The following CSMD1 variants were observed in gnomAD, a reference collection of about 807,000 sequenced individuals.
CSMD1 encodes the protein CUB and sushi domain-containing protein 1.
Under a neutral mutation model 417.5 loss-of-function variants are expected in CSMD1, and 213 were observed. The observed-to-expected ratio is 0.51, with a 90% CI of 0.46 to 0.57. The LOEUF (loss-of-function observed/expected upper bound fraction) is 0.57, where lower values mean the gene tolerates loss of function less well. Ranked by LOEUF, CSMD1 falls within the 20% of genes least tolerant of loss-of-function variation. The pLI is 0.00. For missense variants in CSMD1, 6,923 were observed against 4,529.7 expected (o/e 1.53, Z -15.17); for synonymous variants, 2,862 against 1,736.8 (o/e 1.65, Z -16.11).
chr8:4,019,189 G>A (rs900558690), intron 4 of CSMD1, among the ~76,000 whole-genome samples: 1 of 152,174 alleles, frequency 6.6e-6, no homozygotes, highest in Non-Finnish European at 1.5e-5. Context: ...GTCCAAGACA[G>A]GTTTATTATG....
chr8:4,813,961 T>C (rs535953876), intron 1 of CSMD1, among the ~76,000 whole-genome samples: 2 of 152,230 alleles, frequency 1.3e-5, no homozygotes, highest in African/African-American at 2.4e-5. Context: ...TATTTAGTAA[T>C]CAGTGATTCA....
intron 46 of CSMD1, among the ~76,000 whole-genome samples, chr8:3,104,147 G>C (rs150675198): frequency 2.0e-5 from 3 of 152,278 alleles, no homozygotes; most frequent in East Asian, 1.9e-4. Context: ...TGAGAAACTT[G>C]AGGCTTTGTT....
intron 23 of CSMD1, among the ~76,000 whole-genome samples, chr8:3,324,037 C>T (rs745524965): frequency 1.4e-5 from 2 of 144,580 alleles, no homozygotes; most frequent in Non-Finnish European, 3.0e-5. Context: ...GTTTCCTTCA[C>T]CCCACCTTTC....
chr8:3,109,135 C>T (rs1168973404), intron 43 of CSMD1, among the ~76,000 whole-genome samples: 2 of 152,146 alleles, frequency 1.3e-5, no homozygotes, highest in Admixed American at 6.5e-5. Context: ...CCTGGTGGCA[C>T]GCACTTGTAG....
intron 3 of CSMD1, among the ~76,000 whole-genome samples, 194 bp from the exon 4 acceptor site, chr8:4,032,293 T>G (rs1314811218): frequency 6.6e-6 from 1 of 152,216 alleles, no homozygotes; most frequent in African/African-American, 2.4e-5. Flanking sequence ...TATAACACTT[T>G]TATAAACATC....
chr8:4,496,768 G>C (rs1027738250), intron 2 of CSMD1, among the ~76,000 whole-genome samples: 1 of 152,218 alleles, frequency 6.6e-6, no homozygotes, highest in Admixed American at 6.5e-5. Context: ...GAGTAATTTT[G>C]AAAGCATTTC....
chr8:4,358,888 T>G (rs1801589933), intron 3 of CSMD1, among the ~76,000 whole-genome samples: 1 of 152,118 alleles, frequency 6.6e-6, no homozygotes, highest in Non-Finnish European at 1.5e-5. Context: ...ACCATAAACC[T>G]AAAACTACAG....
intron 3 of CSMD1, among the ~76,000 whole-genome samples, chr8:4,182,460 A>G (rs1018819712): frequency 6.6e-6 from 1 of 152,154 alleles, no homozygotes; most frequent in Non-Finnish European, 1.5e-5. Context: ...TGTGGATTAA[A>G]ACATTGTTTT....
At chr8:4,129,074 C>CA (rs10538387) in intron 3 of CSMD1, among the ~76,000 whole-genome samples, 875 of 80,644 alleles carry the variant, frequency 0.011, 20 homozygotes, top group African/African-American at 0.021. Context: ...GAGTCCAACT[C>CA]AAAAAAAAAA....
chr8:4,016,872 G>C (rs1204635889), intron 4 of CSMD1, among the ~76,000 whole-genome samples: 2 of 152,054 alleles, frequency 1.3e-5, no homozygotes, highest in Non-Finnish European at 2.9e-5. Context: ...GTTTTAGTTG[G>C]GTATGGTTCA....
intron 5 of CSMD1, among the ~76,000 whole-genome samples, chr8:3,974,668 G>A (rs575169391): frequency 7.5e-6 from 1 of 132,590 alleles, no homozygotes; most frequent in African/African-American, 3.1e-5. Flanking sequence ...AAAACAGCGT[G>A]CAGCTCTTTT....
At chr8:4,578,075 T>G (rs1042336941) in intron 2 of CSMD1, among the ~76,000 whole-genome samples, 1 of 152,160 alleles carries the variant, frequency 6.6e-6, no homozygotes. Flanking sequence ...ACTGTGCAAG[T>G]GCACCCGAGT....
At chr8:3,846,877 G>A (rs983302447) in intron 5 of CSMD1, among the ~76,000 whole-genome samples, 2 of 152,160 alleles carry the variant, frequency 1.3e-5, no homozygotes, top group African/African-American at 2.4e-5. Flanking sequence ...GTTTCATCAT[G>A]TTGGCCAAGC....
At chr8:4,308,237 T>C (rs1391008016) in intron 3 of CSMD1, among the ~76,000 whole-genome samples, 1 of 151,990 alleles carries the variant, frequency 6.6e-6, no homozygotes, top group Non-Finnish European at 1.5e-5. Flanking sequence ...TATGCAGTCA[T>C]GTATAGTTTT....
chr8:3,017,928 T>C (rs1420832912), intron 52 of CSMD1, among the ~76,000 whole-genome samples: 1 of 150,726 alleles, frequency 6.6e-6, no homozygotes, highest in Non-Finnish European at 1.5e-5. Context: ...TCTTTACTAA[T>C]ACTTGTTCTT....
intron 34 of CSMD1, 49 bp from the exon 35 acceptor site, chr8:3,189,060 T>C: frequency 6.5e-7 from 1 of 1,533,922 alleles, no homozygotes; most frequent in Non-Finnish European, 8.8e-7. Flanking sequence ...TGGGACAGTG[T>C]TGATTTGGCA....
chr8:3,874,812 C>A (rs1039677367), intron 5 of CSMD1, among the ~76,000 whole-genome samples: 3 of 152,096 alleles, frequency 2.0e-5, no homozygotes, highest in Non-Finnish European at 4.4e-5. Context: ...ATAGGACACA[C>A]ACCAAAGACG....
At chr8:3,164,376 T>C (rs1585526860) in intron 37 of CSMD1, among the ~76,000 whole-genome samples, 1 of 152,330 alleles carries the variant, frequency 6.6e-6, no homozygotes. Context: ...ATATACTTTA[T>C]TCCTACCACA....
At chr8:3,331,237 C>CA (rs112278319) in intron 23 of CSMD1, among the ~76,000 whole-genome samples, 5,226 of 128,428 alleles carry the variant, frequency 0.041, 268 homozygotes, top group East Asian at 0.24. Context: ...GACTCCGTCT[C>CA]AAAAAAAAAA....
Sources: gnomAD v4.1 joint callset for allele counts (sites outside exome capture counted in the v4.1 genomes callset) on GRCh38, gnomAD v4.1.1 for gene constraint, MANE v1.5 for transcripts, NCBI Gene and HGNC (gene_info 2026-07-23, HGNC 2026-07-21) for gene names.